C3orf70: variants seen among roughly 807,000 people sequenced by gnomAD.
The protein encoded by C3orf70 is chromosome 3 open reading frame 70.
In C3orf70, 15 loss-of-function variants were observed where a neutral mutation model predicts 20.7. The observed-to-expected ratio is 0.72, with a 90% CI of 0.48 to 1.11. The LOEUF is 1.11. Ranked by LOEUF, C3orf70 falls within the 50% of genes most tolerant of loss-of-function variation. C3orf70 has a pLI of 0.00. For missense variants in C3orf70, 332 were observed against 317.6 expected (o/e 1.05, Z -0.34); for synonymous variants, 161 against 125.7 (o/e 1.28, Z -1.88).
chr3:185,128,011 A>C (rs903549594), intron 1 of C3orf70, among the ~76,000 whole-genome samples: 1 of 152,214 alleles, frequency 6.6e-6, no homozygotes, highest in African/African-American at 2.4e-5. Flanking sequence ...TACAACTGCA[A>C]AGCAGAAACT....
chr3:185,097,738 C>A lies in C3orf70; in HGVS notation c.197-14175G>T, dbSNP rs563909811. ...AGGGAGGAAGCACCCCTGCCTATAA[C>A]GCATGTGGAACACAGAAGGCAGAAA... is the stretch of plus-strand genomic sequence containing the variant. On this transcript the variant is annotated intron_variant, in intron 1 of 1. Coordinates refer to ENST00000335012, the MANE Select transcript of C3orf70 (RefSeq NM_001025266.3). Among the ~76,000 whole-genome samples the A allele has an allele frequency of 5.3e-5, 8 of 152,296 alleles. 1 individual carries two copies. In the East Asian group the frequency reaches 9.7e-4, roughly 18 times the overall value.
At chr3:185,100,738 C>T (rs567222589) in intron 1 of C3orf70, among the ~76,000 whole-genome samples, 3 of 151,610 alleles carry the variant, frequency 2.0e-5, no homozygotes, top group East Asian at 3.9e-4. Context: ...TCCAAAACCT[C>T]AATGGGTCCT....
intron 1 of C3orf70, among the ~76,000 whole-genome samples, chr3:185,133,412 C>T (rs2065484564): frequency 6.6e-6 from 1 of 152,146 alleles, no homozygotes; most frequent in Non-Finnish European, 1.5e-5. Context: ...ATATGAGAAA[C>T]AAACAAAATG....
At chr3:185,138,434 A>G (rs1185240065) in intron 1 of C3orf70, among the ~76,000 whole-genome samples, 1 of 151,570 alleles carries the variant, frequency 6.6e-6, no homozygotes, top group African/African-American at 2.4e-5. Flanking sequence ...CCAAAACCAG[A>G]CAGACAGTAA....
chr3:185,152,908 G>T lies in C3orf70; in HGVS notation c.-85C>A. Reference sequence around the variant, plus strand: ...GCAGGAAGCCGAGCCGGCTGCGGACGCGGGAGGGCGCGGCACGGGCCGGGA... The same window carrying T: ...GCAGGAAGCCGAGCCGGCTGCGGACTCGGGAGGGCGCGGCACGGGCCGGGA... On this transcript the variant is annotated 5_prime_UTR_variant, in exon 1 of 2. Transcript: ENST00000335012. 1 of 1,257,078 alleles carries T rather than the reference G, an allele frequency of 8.0e-7. No individual in the cohort carries two copies. Among genetic ancestry groups the T allele is most frequent in the Non-Finnish European group, 1.0e-6 (1 of 961,104 alleles). 77.9% of individuals were successfully genotyped at this position (1,257,078 alleles called of 1,614,324 possible). A position where few individuals can be genotyped will look rare whatever the true frequency, so the allele number is the denominator to read the frequency against.
chr3:185,115,320 T>C (rs1223726473), intron 1 of C3orf70, among the ~76,000 whole-genome samples: 1 of 152,098 alleles, frequency 6.6e-6, no homozygotes, highest in Non-Finnish European at 1.5e-5. Context: ...TTAGACACAA[T>C]AAAAGTACAC....
intron 1 of C3orf70, among the ~76,000 whole-genome samples, chr3:185,093,417 C>T (rs1296470397): frequency 1.5e-4 from 23 of 152,228 alleles, no homozygotes; most frequent in Admixed American, 1.5e-3. Flanking sequence ...GAAGGCTCTA[C>T]ACTTTTTAAC....
At chr3:185,133,763 A>T (rs888805435) in intron 1 of C3orf70, among the ~76,000 whole-genome samples, 3 of 151,972 alleles carry the variant, frequency 2.0e-5, no homozygotes, top group Admixed American at 6.6e-5. Flanking sequence ...CAAAAACAAA[A>T]CACATCTATT....
chr3:185,135,665 T>A (rs746435630), intron 1 of C3orf70, among the ~76,000 whole-genome samples: 4 of 152,188 alleles, frequency 2.6e-5, no homozygotes, highest in Non-Finnish European at 5.9e-5. Flanking sequence ...TCCCAACATA[T>A]AGAAGTGATA....
At position 185,082,132 on chromosome 3, in the gene C3orf70, G is replaced by A. The variant is rs539566827; in HGVS notation, c.*875C>T. 6.6e-6 allele frequency: 1 copy of A among 152,298 alleles called. No individual in the cohort carries two copies. The highest frequency in any genetic ancestry group is 6.5e-5 in the Admixed American group (1 of 15,304). The allele number at this position is 152,298 out of a possible 1,614,324, so 9.4% of individuals were successfully genotyped here. ...AAAATGTTGGGGAACCCACCAAGAA[G>A]CCAGCTCAAATGCTGAAACACATTC... On this transcript the variant is annotated 3_prime_UTR_variant, in exon 2 of 2. Coordinates refer to ENST00000335012, the MANE Select transcript of C3orf70 (RefSeq NM_001025266.3).
chr3:185,083,263 T>C lies in C3orf70; in HGVS notation c.497A>G (p.Asp166Gly), dbSNP rs201360422. Residue 166 changes from aspartate (D) to glycine (G), a missense_variant, in exon 2 of 2, where the codon GAT becomes GGT. Transcript: ENST00000335012. The stretch of plus-strand genomic sequence containing the variant: ...ATTGCTCTCTTTTGAAATTAAGGCA[T>C]CGTGTGCAGAGACCTCCTCAGGGCT... ...RMSPEEVSAH[D>G]ALISKESNTP... 1.5e-5 allele frequency: 24 copies of C among 1,614,184 alleles called. No homozygotes were observed. Among genetic ancestry groups the C allele is most frequent in the Non-Finnish European group, 2.0e-5 (24 of 1,180,040 alleles).
intron 1 of C3orf70, among the ~76,000 whole-genome samples, chr3:185,132,759 C>T (rs1716545632): frequency 6.6e-6 from 1 of 152,114 alleles, no homozygotes; most frequent in South Asian, 2.1e-4. Context: ...CATCAATGCA[C>T]AGATTGAAGA....
chr3:185,139,595 T>C (rs1716708479), intron 1 of C3orf70, among the ~76,000 whole-genome samples: 1 of 150,918 alleles, frequency 6.6e-6, no homozygotes, highest in African/African-American at 2.4e-5. Flanking sequence ...AGACTTCTTA[T>C]ACAGCTATAG....
At chr3:185,138,066 T>C (rs1716663264) in intron 1 of C3orf70, among the ~76,000 whole-genome samples, 1 of 152,096 alleles carries the variant, frequency 6.6e-6, no homozygotes, top group South Asian at 2.1e-4. Context: ...GCAGAGGATG[T>C]CATACATACC....
intron 1 of C3orf70, among the ~76,000 whole-genome samples, chr3:185,109,785 A>G (rs143504747): frequency 2.0e-5 from 3 of 152,046 alleles, no homozygotes. Context: ...CTCAGTATTT[A>G]CCATAATAAA....
At chr3:185,149,310 TGAACCCGG>T (rs1360900154) in intron 1 of C3orf70, among the ~76,000 whole-genome samples, 3 of 150,626 alleles carry the variant, frequency 2.0e-5, no homozygotes, top group Non-Finnish European at 2.9e-5. Context: ...GAGAATCACT[TGAACCCGG>T]GAGGTGGAGG....
intron 1 of C3orf70, among the ~76,000 whole-genome samples, chr3:185,122,002 G>A (rs1716307097): frequency 6.6e-6 from 1 of 151,974 alleles, no homozygotes; most frequent in Non-Finnish European, 1.5e-5. Context: ...GGGAAGCGGA[G>A]GCAGGAGAAT....
intron 1 of C3orf70, among the ~76,000 whole-genome samples, chr3:185,126,275 A>G (rs1375686478): frequency 1.3e-5 from 2 of 152,190 alleles, no homozygotes; most frequent in Non-Finnish European, 2.9e-5. Context: ...CAGGCTGCCA[A>G]TGTCTTTGTA....
Position 185,083,402 on chromosome 3 carries a change from A to G in C3orf70, c.358T>C (p.Ser120Pro). 2 of 1,614,110 alleles carry G rather than the reference A, an allele frequency of 1.2e-6. No homozygotes were observed. The highest frequency in any genetic ancestry group is 1.7e-6 in the Non-Finnish European group (2 of 1,180,032). Residue 120 changes from serine to proline, a missense_variant, in exon 2 of 2, where the codon TCA (serine) becomes CCA (proline). Ser to Pro is a moderately conservative substitution (Grantham distance 74). Transcript: ENST00000335012. Reference sequence around the variant, plus strand: ...TCTGAAATCATACAGTACCTCGGTGAGTCAGGGGGAAGGGGAGGCTGGAAG... The same window carrying G: ...TCTGAAATCATACAGTACCTCGGTGGGTCAGGGGGAAGGGGAGGCTGGAAG... ...SVFQPPLPPD[S>P]PRYCMISDLF...
Sources: gnomAD v4.1 joint callset for allele counts (sites outside exome capture counted in the v4.1 genomes callset) on GRCh38, gnomAD v4.1.1 for gene constraint, MANE v1.5 for transcripts, NCBI Gene and HGNC (gene_info 2026-07-23, HGNC 2026-07-21) for gene names.